C1orf174: variants seen among roughly 807,000 people sequenced by gnomAD.
C1orf174 encodes the protein UPF0688 protein C1orf174.
In C1orf174, 13 loss-of-function variants were observed where a neutral mutation model predicts 18.4. The ratio of observed to expected loss-of-function variants is 0.71; its 90% CI spans 0.46 to 1.12. C1orf174 has a LOEUF of 1.12. Ranked by LOEUF, C1orf174 falls within the 50% of genes most tolerant of loss-of-function variation. C1orf174 has a pLI of 0.00. For missense variants in C1orf174, 309 were observed against 308.0 expected (o/e 1.00, Z -0.02); for synonymous variants, 100 against 118.3 (o/e 0.85, Z 1.01).
chr1:3,893,630 C>G (rs1638552436), intron 1 of C1orf174, among the ~76,000 whole-genome samples: 1 of 152,230 alleles, frequency 6.6e-6, no homozygotes. Context: ...TGTGATAGCT[C>G]ACACCTGTAA....
intron 2 of C1orf174, chr1:3,891,330 G>A (rs1281290613): frequency 2.5e-5 from 10 of 406,242 alleles, no homozygotes; most frequent in Admixed American, 4.3e-5. Flanking sequence ...CCCTAGTGGC[G>A]TTACAGCTCC....
In C1orf174 at chr1:3,892,646, G is replaced by A. The variant is rs369219548; in HGVS notation, c.129+237C>T. On this transcript the variant is annotated intron_variant, in intron 2 of 3. Transcript: ENST00000361605. ...TGGGCGGGTGCTAGGATCAGAGCCC[G>A]GGTCTAGACACACACACGGGTGGGC... 2.0e-4 allele frequency: 255 copies of A among 1,296,196 alleles called. 1 individual carries two copies. The African/African-American group carries it at 3.0e-3, about 15-fold the overall frequency. 80.3% of individuals were successfully genotyped at this position (1,296,196 alleles called of 1,614,324 possible). A position where few individuals can be genotyped will look rare whatever the true frequency, so the allele number is the denominator to read the frequency against.
In C1orf174 at chr1:3,889,266, T is replaced by G. The variant is rs1433150854; in HGVS notation, c.*694A>C. ...GAATTCATCACAAGAATCATCAAAT[T>G]ATGATAATGGAAAACAAACTTGCCT... On this transcript the variant is annotated 3_prime_UTR_variant, in exon 4 of 4. Transcript: ENST00000361605. The G allele has an allele frequency of 6.6e-6, 1 of 152,198 alleles. No homozygotes were observed. The highest frequency in any genetic ancestry group is 2.4e-5 in the African/African-American group (1 of 41,442). 9.4% of individuals were successfully genotyped at this position (152,198 alleles called of 1,614,324 possible).
Position 3,890,598 on chromosome 1 carries a change from G to C in C1orf174, c.589C>G (p.Arg197Gly). Residue 197 changes from arginine to glycine, a missense_variant, in exon 3 of 4, where the codon CGG (arginine) becomes GGG (glycine). Coordinates refer to ENST00000361605, the MANE Select transcript of C1orf174 (RefSeq NM_207356.3). ...ATGAGCTCAACGTTTCCAAAGAACC[G>C]GCTCACGGGCATTGGCTGATTGCTG... ...DDSNQPMPVSRFFGNVELMQD... is the reference protein window; with the variant it reads ...DDSNQPMPVSGFFGNVELMQD... The C allele has an allele frequency of 6.2e-7, 1 of 1,614,116 alleles. No individual in the cohort carries two copies. The highest frequency in any genetic ancestry group is 8.5e-7 in the Non-Finnish European group (1 of 1,180,024).
intron 1 of C1orf174, chr1:3,895,762 C>T (rs549849405): frequency 6.6e-6 from 1 of 152,344 alleles, no homozygotes; most frequent in South Asian, 2.1e-4. Context: ...TTGGACTGCT[C>T]CCACAGTCCA....
chr1:3,897,973 G>T (rs868372022), intron 1 of C1orf174, among the ~76,000 whole-genome samples: 1 of 152,016 alleles, frequency 6.6e-6, no homozygotes, highest in African/African-American at 2.4e-5. Flanking sequence ...CCATATCCAG[G>T]AATCTTAATG....
Position 3,889,895 on chromosome 1 carries a change from T to A in C1orf174, c.*65A>T. ...GGAGATACATTTTATATAAATCTTG[T>A]AATGTGCTAAATTGTCAAATTGTTA... On this transcript the variant is annotated 3_prime_UTR_variant, in exon 4 of 4. Coordinates refer to ENST00000361605, the MANE Select transcript of C1orf174 (RefSeq NM_207356.3). 7.6e-7 allele frequency: 1 copy of A among 1,317,288 alleles called. No homozygotes were observed. Among genetic ancestry groups the A allele is most frequent in the Non-Finnish European group, 1.1e-6 (1 of 910,290 alleles). The allele number at this position is 1,317,288 out of a possible 1,614,324, so 81.6% of individuals were successfully genotyped here. A position where few individuals can be genotyped will look rare whatever the true frequency, so the allele number is the denominator to read the frequency against.
chr1:3,890,015 A>G lies in C1orf174; in HGVS notation c.677T>C (p.Met226Thr). 1 of 1,614,126 alleles carries G rather than the reference A, an allele frequency of 6.2e-7. No homozygotes were observed. Among genetic ancestry groups the G allele is most frequent in the East Asian group, 2.2e-5 (1 of 44,876 alleles). Residue 226 changes from methionine to threonine, a missense_variant, in exon 4 of 4, where the codon ATG (methionine) becomes ACG (threonine). Physicochemically the swap from Met to Thr is moderately conservative, Grantham distance 81 (BLOSUM62 -1). Coordinates refer to ENST00000361605, the MANE Select transcript of C1orf174 (RefSeq NM_207356.3). ...ATCATCATCTTTGGCTCTGAAATGC[A>G]TTTTTCTGAACTCTCGTCTGCTCAT... ...PSMSRREFRK[M>T]HFRAKDDDDD...
At position 3,890,755 on chromosome 1, in the gene C1orf174, G is replaced by T; in HGVS notation, c.432C>A (p.His144Gln). Residue 144 changes from histidine to glutamine, a missense_variant, in exon 3 of 4, where the codon CAC becomes CAA. Transcript: ENST00000361605. The stretch of plus-strand genomic sequence containing the variant: ...ATTCTTCTGCTCCGGACCCGGCACT[G>T]TGTTTTGGCACGGACAGGCCATCTC... ...KTRDGLSVPKHSAGSGAEESN... is the reference protein window; with the variant it reads ...KTRDGLSVPKQSAGSGAEESN... 6.2e-7 allele frequency: 1 copy of T among 1,614,078 alleles called. No homozygotes were observed. The highest frequency in any genetic ancestry group is 8.5e-7 in the Non-Finnish European group (1 of 1,180,024).
chr1:3,890,126 C>A (rs1036438511), intron 3 of C1orf174, 53 bp from the exon 4 acceptor site: 1 of 1,431,506 alleles, frequency 7.0e-7, no homozygotes, highest in South Asian at 1.1e-5. Flanking sequence ...TATCTGCACC[C>A]GCATTTGCAA....
intron 2 of C1orf174, 163 bp downstream of exon 2, chr1:3,892,720 A>G (rs1368001522): frequency 1.4e-6 from 2 of 1,454,772 alleles, no homozygotes; most frequent in African/African-American, 2.9e-5. Flanking sequence ...CTTTCTCTGA[A>G]GGCAATTACA....
Position 3,889,765 on chromosome 1 carries a change from T to C in C1orf174, c.*195A>G, listed in dbSNP as rs183261237. ...TACAGCAGCTTTGCAACCTCAAAGA[T>C]GGTTTGAGTTTTAGTTCCCATGAGT... On this transcript the variant is annotated 3_prime_UTR_variant, in exon 4 of 4. Transcript: ENST00000361605. 319 of 604,614 alleles carry C rather than the reference T, an allele frequency of 5.3e-4. No individual in the cohort carries two copies. The African/African-American group carries it at 5.4e-3, about 10-fold the overall frequency. 37.5% of individuals were successfully genotyped at this position (604,614 alleles called of 1,614,324 possible).
intron 1 of C1orf174, among the ~76,000 whole-genome samples, chr1:3,899,558 C>G (rs1418373579): frequency 2.0e-5 from 3 of 152,220 alleles, no homozygotes; most frequent in African/African-American, 7.2e-5. Flanking sequence ...CCACTTTTAG[C>G]ACATTCAGTA....
In C1orf174 at chr1:3,889,688, T is replaced by A; in HGVS notation, c.*272A>T. On this transcript the variant is annotated 3_prime_UTR_variant, in exon 4 of 4. Transcript: ENST00000361605. ...CCAGCCTGGGCGACAAGAGAGAAAC[T>A]CTGTCTCCAAGGAAAAAAAAAAAAA... 3.8e-6 allele frequency: 1 copy of A among 263,798 alleles called. No individual in the cohort carries two copies. The highest frequency in any genetic ancestry group is 6.9e-6 in the Non-Finnish European group (1 of 144,824). The allele number at this position is 263,798 out of a possible 1,614,324, so 16.3% of individuals were successfully genotyped here. A position where few individuals can be genotyped will look rare whatever the true frequency, so the allele number is the denominator to read the frequency against.
At chr1:3,890,155 T>A (rs1484061042) in intron 3 of C1orf174, 82 bp from the exon 4 acceptor site, 16 of 1,123,628 alleles carry the variant, frequency 1.4e-5, no homozygotes, top group Non-Finnish European at 2.2e-5. Flanking sequence ...ACCCAGCGGC[T>A]CTAGGGCTCG....
At position 3,900,193 on chromosome 1, in the gene C1orf174, G is replaced by GAGCACCGCAGCCA. The variant is rs1553174349; in HGVS notation, c.-20_-8dup. ...TCACCTTCCGGCTCCTCATGAGTGT[G>GAGCACCGCAGCCA]AGCACCGCAGCCAAGCACCGCGCGC... On this transcript the variant is annotated 5_prime_UTR_variant, in exon 1 of 4. Transcript: ENST00000361605. 34 of 1,583,892 alleles carry GAGCACCGCAGCCA rather than the reference G, an allele frequency of 2.1e-5. No individual in the cohort carries two copies. Among genetic ancestry groups the GAGCACCGCAGCCA allele is most frequent in the Non-Finnish European group, 2.7e-5 (32 of 1,173,990 alleles).
intron 3 of C1orf174, 70 bp downstream of exon 3, chr1:3,890,499 G>T: frequency 6.4e-7 from 1 of 1,574,174 alleles, no homozygotes; most frequent in South Asian, 1.1e-5. Flanking sequence ...TGCACTGAGT[G>T]GGGAGTGTGT....
At chr1:3,896,966 C>A (rs1436160928) in intron 1 of C1orf174, among the ~76,000 whole-genome samples, 1 of 152,192 alleles carries the variant, frequency 6.6e-6, no homozygotes, top group African/African-American at 2.4e-5. Context: ...AGGCTGAACA[C>A]TGTGGCAGGG....
chr1:3,894,293 A>C (rs12132629), intron 1 of C1orf174, among the ~76,000 whole-genome samples: 9 of 152,290 alleles, frequency 5.9e-5, no homozygotes, highest in Non-Finnish European at 1.0e-4. Context: ...AAGGAAAAAA[A>C]CAAAAAAATA....
Sources: gnomAD v4.1 joint callset for allele counts (sites outside exome capture counted in the v4.1 genomes callset) on GRCh38, gnomAD v4.1.1 for gene constraint, MANE v1.5 for transcripts, NCBI Gene and HGNC (gene_info 2026-07-23, HGNC 2026-07-21) for gene names.